The following PRMT8 variants were observed in gnomAD, a reference collection of about 807,000 sequenced individuals.
PRMT8 encodes protein arginine N-methyltransferase 8.
In PRMT8, 7 loss-of-function variants were observed where a neutral mutation model predicts 47.1. The observed-to-expected ratio is 0.15, with a 90% confidence interval of 0.08 to 0.28. PRMT8 has a LOEUF of 0.28. Among genes scored for constraint, PRMT8 ranks in the 10% least tolerant of loss-of-function variants. The pLI is 1.00. For missense variants in PRMT8, 237 were observed against 505.4 expected (o/e 0.47, Z 5.09); for synonymous variants, 188 against 186.5 (o/e 1.01, Z -0.07).
chr12:3,564,617 T>C lies in PRMT8; in HGVS notation c.482-4089T>C, dbSNP rs1046766108. Among the ~76,000 whole-genome samples the C allele has an allele frequency of 1.3e-5, 2 of 152,248 alleles. No homozygotes were observed. Among genetic ancestry groups the C allele is most frequent in the African/African-American group, 4.8e-5 (2 of 41,464 alleles). On this transcript the variant is annotated intron_variant, in intron 4 of 9. Coordinates refer to ENST00000382622, the MANE Select transcript of PRMT8 (RefSeq NM_019854.5). The surrounding 1 kb of genome is among the most constrained non-coding windows in gnomAD (Gnocchi z 4.0). ...CTGTAATTTACCAGCCAGAGTCCTG[T>C]CATAGTTCGTTGAACAAACTTTCCA... is the stretch of plus-strand genomic sequence containing the variant.
intron 1 of PRMT8, among the ~76,000 whole-genome samples, chr12:3,419,190 G>C (rs374247695): frequency 7.2e-5 from 11 of 152,344 alleles, no homozygotes; most frequent in Admixed American, 5.2e-4. Context: ...TCACAAAGCT[G>C]GTTTACAGCT....
chr12:3,509,283 A>C (rs1865675258), intron 1 of PRMT8, among the ~76,000 whole-genome samples: 1 of 151,716 alleles, frequency 6.6e-6, no homozygotes, highest in Non-Finnish European at 1.5e-5. Flanking sequence ...CTCCAGCCAC[A>C]CTCAGCTGCC....
chr12:3,577,056 A>G (rs1866958645), intron 7 of PRMT8, 70 bp downstream of exon 7: 3 of 1,320,960 alleles, frequency 2.3e-6, no homozygotes, highest in Non-Finnish European at 3.3e-6. Flanking sequence ...GAGTCCAGGC[A>G]ATGCCGGCTC....
intron 1 of PRMT8, among the ~76,000 whole-genome samples, chr12:3,510,966 C>T (rs1485908342): frequency 2.0e-5 from 3 of 152,140 alleles, no homozygotes; most frequent in South Asian, 2.1e-4. Flanking sequence ...AGCCAGAACC[C>T]GTGATCCTGA....
intron 2 of PRMT8, among the ~76,000 whole-genome samples, chr12:3,543,558 T>C (rs1440353062): frequency 6.6e-6 from 1 of 152,192 alleles, no homozygotes; most frequent in African/African-American, 2.4e-5. Context: ...TTAATAGCCA[T>C]CAGTGAGTGT....
chr12:3,588,139 A>G (rs1045540063), intron 8 of PRMT8, among the ~76,000 whole-genome samples: 2 of 152,216 alleles, frequency 1.3e-5, no homozygotes, highest in Non-Finnish European at 2.9e-5. Flanking sequence ...CAGATCAGAC[A>G]TTGGAAAGGA....
At chr12:3,523,464 G>A (rs533822884) in intron 1 of PRMT8, among the ~76,000 whole-genome samples, 1 of 152,162 alleles carries the variant, frequency 6.6e-6, no homozygotes, top group Admixed American at 6.5e-5. Context: ...AGCCCACCCA[G>A]GATTACTGTC....
At chr12:3,560,723 A>T (rs1306276152) in intron 4 of PRMT8, among the ~76,000 whole-genome samples, 2 of 152,206 alleles carry the variant, frequency 1.3e-5, no homozygotes, top group African/African-American at 4.8e-5. Flanking sequence ...CATAAATGTC[A>T]TAGCTACAAG....
At chr12:3,396,977 T>G (rs1313897028) in intron 1 of PRMT8, among the ~76,000 whole-genome samples, 2 of 152,080 alleles carry the variant, frequency 1.3e-5, no homozygotes, top group Non-Finnish European at 2.9e-5. Flanking sequence ...CTTCCATCGC[T>G]GATACCCTTT....
At chr12:3,401,363 A>G (rs1864314886) in intron 1 of PRMT8, among the ~76,000 whole-genome samples, 2 of 152,054 alleles carry the variant, frequency 1.3e-5, no homozygotes, top group African/African-American at 2.4e-5. Flanking sequence ...CCCACAGCCA[A>G]TGTCATACTG....
intron 1 of PRMT8, among the ~76,000 whole-genome samples, chr12:3,413,738 T>C (rs1864455576): frequency 6.6e-6 from 1 of 152,076 alleles, no homozygotes; most frequent in Admixed American, 6.5e-5. Flanking sequence ...CAAAGTGTCA[T>C]GTGGTACATG....
intron 4 of PRMT8, among the ~76,000 whole-genome samples, chr12:3,555,862 GGGACCTGAGGATGCATTGAGT>G (rs1866518826): frequency 9.5e-6 from 1 of 105,152 alleles, no homozygotes; most frequent in Non-Finnish European, 2.2e-5. Context: ...CTGGGTGGAT[GGGACCTGAGGATGCATTGAGT>G]GTGGGGATGA....
intron 4 of PRMT8, among the ~76,000 whole-genome samples, chr12:3,559,625 A>G (rs1030907765): frequency 3.3e-5 from 5 of 152,076 alleles, no homozygotes; most frequent in African/African-American, 1.2e-4. Flanking sequence ...GACTCTTATT[A>G]TTGGTAATAT....
chr12:3,447,371 A>C (rs1288749984), intron 1 of PRMT8, among the ~76,000 whole-genome samples: 1 of 151,880 alleles, frequency 6.6e-6, no homozygotes, highest in African/African-American at 2.4e-5. Context: ...TTGGGGGTGC[A>C]CTCCAGTCTG....
intron 1 of PRMT8, chr12:3,469,018 C>T: frequency 2.8e-6 from 1 of 361,918 alleles, no homozygotes; most frequent in Admixed American, 3.2e-5. Context: ...CTATTCACTG[C>T]ATGAACTGTG....
At chr12:3,430,024 A>C (rs1327451477) in intron 1 of PRMT8, among the ~76,000 whole-genome samples, 1 of 152,222 alleles carries the variant, frequency 6.6e-6, no homozygotes, top group African/African-American at 2.4e-5. Context: ...AAGTTGTAGA[A>C]GGAAAGGGCT....
chr12:3,548,646 A>G (rs1591596705), intron 2 of PRMT8, among the ~76,000 whole-genome samples: 1 of 152,240 alleles, frequency 6.6e-6, no homozygotes, highest in African/African-American at 2.4e-5. Flanking sequence ...AAATCAGTTT[A>G]CATCCACTAG....
intron 1 of PRMT8, among the ~76,000 whole-genome samples, chr12:3,416,220 C>T (rs1176566666): frequency 3.3e-5 from 5 of 152,202 alleles, no homozygotes; most frequent in Non-Finnish European, 7.3e-5. Context: ...GACCTTACTG[C>T]CCCTAAATAG....
chr12:3,439,145 A>G (rs541630474), intron 1 of PRMT8, among the ~76,000 whole-genome samples: 1 of 152,332 alleles, frequency 6.6e-6, no homozygotes, highest in African/African-American at 2.4e-5. Flanking sequence ...TTTACATTTC[A>G]TTTATATTTT....
Sources: allele counts gnomAD v4.1 joint callset (sites outside exome capture counted in the v4.1 genomes callset), GRCh38; gene constraint gnomAD v4.1.1; non-coding constraint Gnocchi (gnomAD v3.1); transcripts MANE v1.5; gene names NCBI Gene and HGNC (gene_info 2026-07-23, HGNC 2026-07-21).